Variants in LUZP2 observed in about 807,000 individuals in gnomAD.
The protein encoded by LUZP2 is leucine zipper protein 2.
In LUZP2, 52 loss-of-function variants were observed where a neutral mutation model predicts 51.6. That is an observed-to-expected ratio of 1.01 (90% CI 0.81 to 1.27). LUZP2 has a LOEUF of 1.27. Among genes scored for constraint, LUZP2 ranks in the 50% most tolerant of loss-of-function variants. The probability of loss-of-function intolerance (pLI) is 0.00; values close to 1 mark genes in which losing one functional copy is unlikely to be tolerated. For missense variants in LUZP2, 436 were observed against 395.4 expected (o/e 1.10, Z -0.87); for synonymous variants, 154 against 137.3 (o/e 1.12, Z -0.85).
At chr11:24,978,440 G>T (rs189468462) in intron 8 of LUZP2, among the ~76,000 whole-genome samples, 1 of 151,634 alleles carries the variant, frequency 6.6e-6, no homozygotes, top group Non-Finnish European at 1.5e-5. Context: ...AAAATCATTA[G>T]ATTCCCATGA....
chr11:24,756,338 T>C (rs1402432092), intron 4 of LUZP2, among the ~76,000 whole-genome samples: 1 of 152,208 alleles, frequency 6.6e-6, no homozygotes, highest in Non-Finnish European at 1.5e-5. Flanking sequence ...AGAACGATTG[T>C]CCTCACAATT....
At chr11:25,031,054 C>A (rs1436677367) in intron 9 of LUZP2, among the ~76,000 whole-genome samples, 2 of 125,766 alleles carry the variant, frequency 1.6e-5, no homozygotes, top group Admixed American at 1.9e-4. Context: ...ACTCTGTTAC[C>A]CAGGCTGGAG....
intron 9 of LUZP2, among the ~76,000 whole-genome samples, chr11:25,017,160 A>C (rs1239462771): frequency 2.0e-5 from 3 of 152,084 alleles, no homozygotes; most frequent in Non-Finnish European, 2.9e-5. Context: ...TTCCTTGTAG[A>C]TTCTGGATAT....
chr11:24,563,746 A>G (rs936920825), intron 1 of LUZP2, among the ~76,000 whole-genome samples: 3 of 152,026 alleles, frequency 2.0e-5, no homozygotes, highest in Non-Finnish European at 4.4e-5. Context: ...ATGTGAACAT[A>G]GAAACATTTA....
chr11:24,796,745 G>A (rs772217095), intron 5 of LUZP2, among the ~76,000 whole-genome samples: 24 of 152,030 alleles, frequency 1.6e-4, no homozygotes, highest in Non-Finnish European at 3.2e-4. Flanking sequence ...GTGAAGTATT[G>A]CTTCACACTT....
chr11:24,969,998 C>T (rs963646859), intron 7 of LUZP2, among the ~76,000 whole-genome samples: 2 of 152,066 alleles, frequency 1.3e-5, no homozygotes, highest in Non-Finnish European at 1.5e-5. Context: ...TGCATTTGTA[C>T]TTTATGTTCT....
chr11:24,536,114 C>A (rs1851170025), intron 1 of LUZP2, among the ~76,000 whole-genome samples: 1 of 151,700 alleles, frequency 6.6e-6, no homozygotes, highest in African/African-American at 2.4e-5. Context: ...TTCAGGAAAC[C>A]ATTCTGTAAA....
At chr11:24,678,781 C>T (rs190074740) in intron 1 of LUZP2, among the ~76,000 whole-genome samples, 44 of 152,268 alleles carry the variant, frequency 2.9e-4, no homozygotes, top group African/African-American at 9.6e-4. Context: ...AAGCACAGCA[C>T]GTCGCCCAAT....
At chr11:24,784,168 T>A (rs1386244) in intron 5 of LUZP2, among the ~76,000 whole-genome samples, 101,743 of 151,644 alleles carry the variant, frequency 0.67, 34,309 homozygotes, top group African/African-American at 0.71. Flanking sequence ...TTTTCAGTAA[T>A]GTCAGAGGCA....
At chr11:24,986,951 T>G (rs184769296) in intron 9 of LUZP2, among the ~76,000 whole-genome samples, 1 of 151,978 alleles carries the variant, frequency 6.6e-6, no homozygotes, top group Non-Finnish European at 1.5e-5. Flanking sequence ...TTAGTCAGAC[T>G]AAGTAAAAAT....
chr11:24,573,595 G>C (rs745850331), intron 1 of LUZP2, among the ~76,000 whole-genome samples: 1 of 151,844 alleles, frequency 6.6e-6, no homozygotes, highest in Non-Finnish European at 1.5e-5. Context: ...TTAAATTCTG[G>C]TACTTTACAT....
intron 9 of LUZP2, among the ~76,000 whole-genome samples, chr11:25,020,674 T>G (rs1328750603): frequency 6.6e-6 from 1 of 152,134 alleles, no homozygotes; most frequent in Middle Eastern, 3.2e-3. Flanking sequence ...CCTGCTACTC[T>G]AGCACAAAAT....
rs531693091 is a variant in LUZP2 at position 24,711,342 on chromosome 11, G to T, written c.63-17827G>T. The stretch of plus-strand genomic sequence containing the variant: ...GCGGGTGCCTGCAGTCCCAGCTGCT[G>T]GGGAGGCTGAGGCAGGAGAATGGCG... On this transcript the variant is annotated intron_variant, in intron 1 of 11. Transcript: ENST00000336930. Among the ~76,000 whole-genome samples, 5 of 151,924 alleles carry T rather than the reference G, an allele frequency of 3.3e-5. No individual in the cohort carries two copies. The South Asian group carries it at 1.0e-3, about 32-fold the overall frequency.
intron 5 of LUZP2, among the ~76,000 whole-genome samples, chr11:24,871,764 ATATT>A (rs1565027509): frequency 6.6e-6 from 1 of 152,128 alleles, no homozygotes; most frequent in Middle Eastern, 3.2e-3. Flanking sequence ...TCTGGAGAAA[ATATT>A]TAACACCAAA....
At chr11:24,841,706 A>G (rs1851038090) in intron 5 of LUZP2, among the ~76,000 whole-genome samples, 1 of 152,112 alleles carries the variant, frequency 6.6e-6, no homozygotes. Flanking sequence ...CTAGGAGCAA[A>G]TGTCACATAC....
At chr11:24,565,483 A>C (rs1185200243) in intron 1 of LUZP2, among the ~76,000 whole-genome samples, 1 of 152,134 alleles carries the variant, frequency 6.6e-6, no homozygotes, top group Non-Finnish European at 1.5e-5. Context: ...GGCTAGAAGG[A>C]ACACTCATGT....
At chr11:24,975,997 T>C (rs1223325301) in intron 7 of LUZP2, among the ~76,000 whole-genome samples, 1 of 152,020 alleles carries the variant, frequency 6.6e-6, no homozygotes, top group Non-Finnish European at 1.5e-5. Context: ...TCCATATATT[T>C]AGTTTCTGGC....
intron 1 of LUZP2, among the ~76,000 whole-genome samples, chr11:24,670,956 A>G (rs1262832035): frequency 6.6e-6 from 1 of 151,756 alleles, no homozygotes; most frequent in African/African-American, 2.4e-5. Flanking sequence ...CTGCATTTTC[A>G]TTTTCTTTTA....
intron 10 of LUZP2, among the ~76,000 whole-genome samples, chr11:25,075,905 A>G (rs941881226): frequency 1.3e-5 from 2 of 152,114 alleles, no homozygotes; most frequent in Non-Finnish European, 2.9e-5. Context: ...TTTAAAGTCA[A>G]CTTAGCTCTC....
Sources: gnomAD v4.1 joint callset for allele counts (sites outside exome capture counted in the v4.1 genomes callset) on GRCh38, gnomAD v4.1.1 for gene constraint, MANE v1.5 for transcripts, NCBI Gene and HGNC (gene_info 2026-07-23, HGNC 2026-07-21) for gene names.